Variants in TMEM45A observed in about 807,000 individuals in gnomAD.
TMEM45A encodes transmembrane protein 45A, also known as DNA polymerase-transactivated protein 4.
In TMEM45A, 25 loss-of-function variants were observed where a neutral mutation model predicts 32.0. The observed-to-expected ratio is 0.78, with a 90% confidence interval of 0.57 to 1.09. The LOEUF (loss-of-function observed/expected upper bound fraction) is 1.09, where lower values mean the gene tolerates loss of function less well. TMEM45A is among the 50% of genes least tolerant of loss of function. The probability of loss-of-function intolerance (pLI) is 0.00; values close to 1 mark genes in which losing one functional copy is unlikely to be tolerated. For synonymous variants in TMEM45A, 122 were observed against 114.8 expected (o/e 1.06, Z -0.40); for missense variants, 302 against 325.0 (o/e 0.93, Z 0.54).
At chr3:100,520,033 A>G (rs1218230510) in intron 1 of TMEM45A, among the ~76,000 whole-genome samples, 1 of 152,202 alleles carries the variant, frequency 6.6e-6, no homozygotes, top group Non-Finnish European at 1.5e-5. Context: ...TATGCCAGAC[A>G]CAGTTCTAAC....
chr3:100,502,309 A>AT (rs1427847261), intron 1 of TMEM45A, among the ~76,000 whole-genome samples: 1 of 151,540 alleles, frequency 6.6e-6, no homozygotes, highest in Non-Finnish European at 1.5e-5. Flanking sequence ...CAATTATCTA[A>AT]TTTTTTCTTT....
At chr3:100,524,688 C>T (rs7426815) in intron 1 of TMEM45A, among the ~76,000 whole-genome samples, 6 of 151,980 alleles carry the variant, frequency 3.9e-5, no homozygotes, top group African/African-American at 1.2e-4. Context: ...CTTTCCTATG[C>T]GCAGGAGACT....
At chr3:100,541,524 C>CTTTTTT (rs61341173) in intron 1 of TMEM45A, among the ~76,000 whole-genome samples, 2 of 111,270 alleles carry the variant, frequency 1.8e-5, no homozygotes, top group Non-Finnish European at 3.5e-5. Context: ...CTTTTCTTTC[C>CTTTTTT]TTTTTTTTTT....
chr3:100,499,070 G>A (rs1278077196), intron 1 of TMEM45A, among the ~76,000 whole-genome samples: 4 of 152,018 alleles, frequency 2.6e-5, no homozygotes, highest in Non-Finnish European at 5.9e-5. Flanking sequence ...TGTTGTAGAA[G>A]TTCTTTACAT....
chr3:100,575,325 A>AAATT (rs970362084), intron 5 of TMEM45A, among the ~76,000 whole-genome samples: 8 of 151,786 alleles, frequency 5.3e-5, no homozygotes, highest in African/African-American at 1.7e-4. Flanking sequence ...CTAGTGTCAA[A>AAATT]AATTATAATC....
chr3:100,518,451 T>C (rs550583204), intron 1 of TMEM45A, among the ~76,000 whole-genome samples: 1 of 152,348 alleles, frequency 6.6e-6, no homozygotes, highest in East Asian at 1.9e-4. Flanking sequence ...AAAAGGGTGA[T>C]TCAGGTCTTG....
At chr3:100,514,419 C>G (rs1308072846) in intron 1 of TMEM45A, among the ~76,000 whole-genome samples, 1 of 151,940 alleles carries the variant, frequency 6.6e-6, no homozygotes, top group Admixed American at 6.6e-5. Context: ...AACTGGCTAG[C>G]CATATGTAGA....
At chr3:100,542,384 A>T (rs944399920) in intron 1 of TMEM45A, among the ~76,000 whole-genome samples, 3 of 152,324 alleles carry the variant, frequency 2.0e-5, no homozygotes, top group Non-Finnish European at 2.9e-5. Flanking sequence ...ACCATTCTGG[A>T]TGTTGGCTTT....
At chr3:100,525,147 C>T (rs1033218232) in intron 1 of TMEM45A, among the ~76,000 whole-genome samples, 1 of 151,558 alleles carries the variant, frequency 6.6e-6, no homozygotes, top group Non-Finnish European at 1.5e-5. Context: ...ATGACTGAGC[C>T]ACTGCACTCC....
rs1706272579 is a variant in TMEM45A at position 100,558,722 on chromosome 3, GTGATGTTTCTT to G, written c.588+137_588+147del. On this transcript the variant is annotated intron_variant, in intron 4 of 5. Transcript: ENST00000323523. ...TAGTAAGATCATGGGCCTCTGAGAAGTGATGTTTCTTTGAGTGTCCCAATAGCCCTGATGGG... is the reference window on the plus strand; with the variant it reads ...TAGTAAGATCATGGGCCTCTGAGAAGTGAGTGTCCCAATAGCCCTGATGGG... 4 of 950,452 alleles carry G rather than the reference GTGATGTTTCTT, an allele frequency of 4.2e-6. No homozygotes were observed. In the South Asian group the frequency reaches 6.6e-5, roughly 16 times the overall value. The allele number at this position is 950,452 out of a possible 1,614,324, so 58.9% of individuals were successfully genotyped here.
intron 1 of TMEM45A, among the ~76,000 whole-genome samples, chr3:100,514,633 A>G (rs1708229111): frequency 6.6e-6 from 1 of 152,170 alleles, no homozygotes; most frequent in Non-Finnish European, 1.5e-5. Context: ...AGTGGGATCT[A>G]ATTAAACTAA....
chr3:100,536,986 A>G (rs1705753612), intron 1 of TMEM45A, among the ~76,000 whole-genome samples: 1 of 152,190 alleles, frequency 6.6e-6, no homozygotes. Flanking sequence ...CAATGGCACG[A>G]TCTCGGCTCA....
At chr3:100,516,421 A>G (rs1414358057) in intron 1 of TMEM45A, among the ~76,000 whole-genome samples, 1 of 152,190 alleles carries the variant, frequency 6.6e-6, no homozygotes, top group Admixed American at 6.5e-5. Context: ...TGCCCTGATA[A>G]GTGGCTGTGT....
chr3:100,514,344 T>C (rs1168358635), intron 1 of TMEM45A, among the ~76,000 whole-genome samples: 2 of 152,144 alleles, frequency 1.3e-5, no homozygotes, highest in Admixed American at 6.6e-5. Context: ...TATCTGATCT[T>C]TGACAAACCT....
chr3:100,538,758 AG>A (rs1410456670), intron 1 of TMEM45A, among the ~76,000 whole-genome samples: 2 of 152,210 alleles, frequency 1.3e-5, no homozygotes, highest in East Asian at 3.8e-4. Flanking sequence ...GTTAACAAAA[AG>A]ATATAAAATT....
At chr3:100,530,067 AAATAG>A (rs1268972101) in intron 1 of TMEM45A, among the ~76,000 whole-genome samples, 8 of 152,184 alleles carry the variant, frequency 5.3e-5, no homozygotes, top group African/African-American at 1.9e-4. Flanking sequence ...GTATATATAA[AAATAG>A]AATAGTATAA....
At chr3:100,506,116 G>A (rs751732592) in intron 1 of TMEM45A, among the ~76,000 whole-genome samples, 3 of 152,186 alleles carry the variant, frequency 2.0e-5, no homozygotes, top group Non-Finnish European at 4.4e-5. Context: ...ACAGAGCCTG[G>A]CTCTCACCAA....
chr3:100,508,269 C>A (rs1022584644), intron 1 of TMEM45A, among the ~76,000 whole-genome samples: 1 of 152,120 alleles, frequency 6.6e-6, no homozygotes, highest in Non-Finnish European at 1.5e-5. Flanking sequence ...GGGTCACACA[C>A]ATAGCCCAAG....
chr3:100,505,798 G>A (rs75303902), intron 1 of TMEM45A, among the ~76,000 whole-genome samples: 10,722 of 152,186 alleles, frequency 0.07, 1,292 homozygotes, highest in African/African-American at 0.24. Flanking sequence ...TAAGAAATAG[G>A]AGACAAAAAG....
Sources: gnomAD v4.1 joint callset for allele counts (sites outside exome capture counted in the v4.1 genomes callset) on GRCh38, gnomAD v4.1.1 for gene constraint, MANE v1.5 for transcripts, NCBI Gene and HGNC (gene_info 2026-07-23, HGNC 2026-07-21) for gene names.